The following GSK3B variants were observed in gnomAD, a reference collection of about 807,000 sequenced individuals.
GSK3B encodes the protein glycogen synthase kinase-3 beta.
Under a neutral mutation model 56.4 loss-of-function variants are expected in GSK3B, and 15 were observed. The ratio of observed to expected loss-of-function variants is 0.27; its 90% CI spans 0.18 to 0.41. GSK3B has a LOEUF of 0.41. GSK3B is among the 10% of genes least tolerant of loss of function. GSK3B has a pLI of 1.00. For missense variants in GSK3B, 300 were observed against 513.4 expected, an observed-to-expected ratio of 0.58 and a Z score of 4.02; for synonymous variants, 181 against 188.9, an observed-to-expected ratio of 0.96 and a Z score of 0.34.
intron 7 of GSK3B, among the ~76,000 whole-genome samples, chr3:119,887,222 TC>T (rs2056446249): frequency 6.6e-6 from 1 of 152,130 alleles, no homozygotes; most frequent in African/African-American, 2.4e-5. Context: ...ATTATAGACT[TC>T]TGCATCTAGC....
At chr3:120,084,353 A>G (rs1286115591) in intron 1 of GSK3B, among the ~76,000 whole-genome samples, 1 of 152,220 alleles carries the variant, frequency 6.6e-6, no homozygotes, top group Non-Finnish European at 1.5e-5. Context: ...AGAAATAGAT[A>G]AAAAGCATAT....
At chr3:119,993,798 T>G (rs1390714449) in intron 2 of GSK3B, among the ~76,000 whole-genome samples, 1 of 152,248 alleles carries the variant, frequency 6.6e-6, no homozygotes, top group Non-Finnish European at 1.5e-5. Flanking sequence ...CTTGCACACA[T>G]GTGCACACAC....
At chr3:120,019,383 A>G (rs1408961422) in intron 1 of GSK3B, among the ~76,000 whole-genome samples, 1 of 152,224 alleles carries the variant, frequency 6.6e-6, no homozygotes, top group Non-Finnish European at 1.5e-5. Context: ...TTGCTAACCC[A>G]AAACACTTTA....
At chr3:120,063,428 A>G (rs186014594) in intron 1 of GSK3B, among the ~76,000 whole-genome samples, 21 of 151,956 alleles carry the variant, frequency 1.4e-4, no homozygotes, top group African/African-American at 4.8e-4. Flanking sequence ...AACTGTTTAC[A>G]TACAAAAATC....
intron 1 of GSK3B, among the ~76,000 whole-genome samples, chr3:120,039,753 T>A (rs771698628): frequency 4.1e-4 from 62 of 152,158 alleles, no homozygotes; most frequent in Non-Finnish European, 1.2e-4. Flanking sequence ...GCATTAGAGA[T>A]AAAAACCCCT....
chr3:119,892,883 T>C (rs2056518970), intron 7 of GSK3B, among the ~76,000 whole-genome samples: 1 of 152,166 alleles, frequency 6.6e-6, no homozygotes. Context: ...CAAATTTTTC[T>C]AAATAGAAAA....
intron 2 of GSK3B, among the ~76,000 whole-genome samples, chr3:119,994,501 T>G (rs946687568): frequency 6.6e-6 from 1 of 152,136 alleles, no homozygotes; most frequent in African/African-American, 2.4e-5. Flanking sequence ...ATATTCCTTA[T>G]AATTATGAAG....
At chr3:119,999,673 T>A (rs914970850) in intron 2 of GSK3B, among the ~76,000 whole-genome samples, 1 of 152,134 alleles carries the variant, frequency 6.6e-6, no homozygotes, top group Non-Finnish European at 1.5e-5. Flanking sequence ...AATAGCAAGA[T>A]CTCCATAGCT....
chr3:119,886,397 T>C (rs1156754153), intron 7 of GSK3B, among the ~76,000 whole-genome samples: 1 of 152,094 alleles, frequency 6.6e-6, no homozygotes, highest in Non-Finnish European at 1.5e-5. Flanking sequence ...CAACAGATGC[T>C]GGTGAGGCTG....
At chr3:119,979,752 C>T (rs2057442667) in intron 2 of GSK3B, among the ~76,000 whole-genome samples, 1 of 152,186 alleles carries the variant, frequency 6.6e-6, no homozygotes, top group Non-Finnish European at 1.5e-5. Flanking sequence ...CCTAAAATGA[C>T]TTCTGGTGCC....
intron 1 of GSK3B, among the ~76,000 whole-genome samples, chr3:120,036,449 G>A (rs1046277531): frequency 6.6e-6 from 1 of 152,056 alleles, no homozygotes; most frequent in African/African-American, 2.4e-5. Flanking sequence ...AGAGAAGGGG[G>A]TACCATGACT....
chr3:120,083,975 A>G (rs971543953), intron 1 of GSK3B, among the ~76,000 whole-genome samples: 1 of 152,222 alleles, frequency 6.6e-6, no homozygotes, highest in African/African-American at 2.4e-5. Context: ...GCTGTGGGGA[A>G]GGGGAACATA....
chr3:119,944,303 T>C (rs2057078499), intron 3 of GSK3B, among the ~76,000 whole-genome samples: 1 of 152,138 alleles, frequency 6.6e-6, no homozygotes, highest in Admixed American at 6.5e-5. Flanking sequence ...CATGGAGGGT[T>C]TCTTTTTACT....
chr3:119,923,544 T>C (rs1317786528), intron 3 of GSK3B, 61 bp from the exon 4 acceptor site: 1 of 725,106 alleles, frequency 1.4e-6, no homozygotes, highest in East Asian at 2.8e-5. Flanking sequence ...TCTTTAAATA[T>C]TCAAATTAGA....
At chr3:120,041,885 T>C (rs899065591) in intron 1 of GSK3B, among the ~76,000 whole-genome samples, 17 of 152,188 alleles carry the variant, frequency 1.1e-4, no homozygotes, top group Admixed American at 1.0e-3. Context: ...CCCAAACTTG[T>C]GAATTGTTTG....
chr3:119,898,599 T>C (rs1291263496), intron 7 of GSK3B, among the ~76,000 whole-genome samples: 2 of 152,036 alleles, frequency 1.3e-5, no homozygotes, highest in Admixed American at 6.6e-5. Flanking sequence ...TTCCCGAAGG[T>C]ACAAAATTCC....
At chr3:120,012,963 C>A (rs1270949529) in intron 1 of GSK3B, among the ~76,000 whole-genome samples, 1 of 152,188 alleles carries the variant, frequency 6.6e-6, no homozygotes, top group Non-Finnish European at 1.5e-5. Flanking sequence ...GCTGGGATTA[C>A]AGGTGTGAAC....
chr3:120,091,158 T>C (rs1049021980), intron 1 of GSK3B, among the ~76,000 whole-genome samples: 3 of 152,214 alleles, frequency 2.0e-5, no homozygotes. Flanking sequence ...CGCTATTGTT[T>C]TAATTTTTTT....
chr3:119,879,458 G>A (rs111670118), intron 7 of GSK3B, among the ~76,000 whole-genome samples: 1 of 152,050 alleles, frequency 6.6e-6, no homozygotes. Context: ...TGGGATTACA[G>A]GTGTGAGCCA....
Sources: gnomAD v4.1 joint callset for allele counts (sites outside exome capture counted in the v4.1 genomes callset) on GRCh38, gnomAD v4.1.1 for gene constraint, MANE v1.5 for transcripts, NCBI Gene and HGNC (gene_info 2026-07-23, HGNC 2026-07-21) for gene names.